The following GDE1 variants were observed in gnomAD, a reference collection of about 807,000 sequenced individuals.
The protein encoded by GDE1 is glycerophosphodiester phosphodiesterase 1, also known as RGS16-interacting membrane protein.
A neutral mutation model predicts 32.2 loss-of-function variants in GDE1; 24 were observed. The ratio of observed to expected loss-of-function variants is 0.75; its 90% CI spans 0.54 to 1.05. GDE1 has a LOEUF of 1.05. Among genes scored for constraint, GDE1 ranks in the 50% least tolerant of loss-of-function variants. The pLI is 0.00. For synonymous variants in GDE1, 159 were observed against 158.6 expected, an observed-to-expected ratio of 1.00 and a Z score of -0.02; for missense variants, 380 against 415.0, an observed-to-expected ratio of 0.92 and a Z score of 0.73.
intron 2 of GDE1, among the ~76,000 whole-genome samples, chr16:19,516,203 G>A (rs898893935): frequency 2.3e-4 from 35 of 152,164 alleles, no homozygotes; most frequent in African/African-American, 8.0e-4. Flanking sequence ...ATTAGACACT[G>A]AAAGAACTTT....
chr16:19,521,731 G>C lies in GDE1; in HGVS notation c.234C>G (p.Pro78=). 6.2e-7 allele frequency: 1 copy of C among 1,612,272 alleles called. No homozygotes were observed. Among genetic ancestry groups the C allele is most frequent in the South Asian group, 1.1e-5 (1 of 90,782 alleles). The change falls in exon 1 of 6, where the codon CCC becomes CCG. Residue 78 remains proline (P), a synonymous_variant. Transcript: ENST00000353258. ...GCCGAATGGCCGCCAGCGTGTTCTC[G>C]GGCGCGTCGTGGCTGCCGCCACGGT... ...IAHRGGSHDA[P]ENTLAAIRQA... is the part of the protein sequence containing the mutation.
At chr16:19,517,973 C>T (rs958646665) in intron 1 of GDE1, among the ~76,000 whole-genome samples, 8 of 151,784 alleles carry the variant, frequency 5.3e-5, no homozygotes, top group South Asian at 4.2e-4. Flanking sequence ...CTAAAACCTC[C>T]GCCTCCTGGG....
chr16:19,520,420 GA>G (rs999902181), intron 1 of GDE1, among the ~76,000 whole-genome samples: 4 of 144,132 alleles, frequency 2.8e-5, no homozygotes, highest in African/African-American at 7.9e-5. Context: ...AAAAAAAAAA[GA>G]AAAAAAAAGG....
At chr16:19,508,812 A>C (rs759159132) in intron 3 of GDE1, among the ~76,000 whole-genome samples, 13 of 152,178 alleles carry the variant, frequency 8.5e-5, no homozygotes, top group Non-Finnish European at 1.8e-4. Flanking sequence ...GGACTGTTGG[A>C]GTCCCAAGCC....
chr16:19,514,662 C>A (rs1169969770), intron 2 of GDE1, among the ~76,000 whole-genome samples: 1 of 152,036 alleles, frequency 6.6e-6, no homozygotes, highest in Non-Finnish European at 1.5e-5. Context: ...AAAATGAAAA[C>A]TAAGTGCTTG....
chr16:19,508,944 C>T (rs1008650445), intron 3 of GDE1, among the ~76,000 whole-genome samples: 1 of 152,220 alleles, frequency 6.6e-6, no homozygotes, highest in African/African-American at 2.4e-5. Context: ...CACCCATGAG[C>T]ACCCATTCAG....
At chr16:19,513,101 T>A (rs1239856985) in intron 2 of GDE1, among the ~76,000 whole-genome samples, 1 of 152,148 alleles carries the variant, frequency 6.6e-6, no homozygotes, top group Non-Finnish European at 1.5e-5. Context: ...TTCTTTACGG[T>A]TCCATATGAA....
At chr16:19,506,318 A>AC (rs1969245950) in intron 4 of GDE1, among the ~76,000 whole-genome samples, 1 of 152,108 alleles carries the variant, frequency 6.6e-6, no homozygotes, top group Admixed American at 6.5e-5. Context: ...AAACAAACAA[A>AC]AAAAACAGAG....
At chr16:19,505,803 A>G (rs1023576892) in intron 4 of GDE1, among the ~76,000 whole-genome samples, 1 of 152,196 alleles carries the variant, frequency 6.6e-6, no homozygotes, top group Non-Finnish European at 1.5e-5. Flanking sequence ...AAAATTTTCA[A>G]TGTATGCTCT....
chr16:19,512,927 T>TTGTGTGTGTGTGTGTGTG lies in GDE1; in HGVS notation c.438-2001_438-1984dup, dbSNP rs144957791. Among the ~76,000 whole-genome samples, 267 of 137,082 alleles carry TTGTGTGTGTGTGTGTGTG rather than the reference T, an allele frequency of 1.9e-3. 1 individual carries two copies. The highest frequency in any genetic ancestry group is 3.0e-3 in the South Asian group (12 of 4,052). 89.9% of individuals were successfully genotyped at this position (137,082 alleles called of 152,430 possible). ...TATTCCACTGGTCTATGTATCTGTT[T>TTGTGTGTGTGTGTGTGTG]TGTGTGTGTGTGTGTGTGTGTGTGT... On this transcript the variant is annotated intron_variant, in intron 2 of 5. Transcript: ENST00000353258.
At chr16:19,507,141 A>AAAAT (rs79540258) in intron 4 of GDE1, among the ~76,000 whole-genome samples, 29,613 of 143,306 alleles carry the variant, frequency 0.21, 3,841 homozygotes, top group Non-Finnish European at 0.3. Context: ...CCCGTCTTTT[A>AAAAT]AAATAAATAA....
At chr16:19,514,807 C>T (rs1170522751) in intron 2 of GDE1, among the ~76,000 whole-genome samples, 12 of 152,148 alleles carry the variant, frequency 7.9e-5, no homozygotes, top group Non-Finnish European at 1.6e-4. Context: ...GGGCTCATGC[C>T]TGTAAATTCA....
At chr16:19,511,056 C>A in intron 2 of GDE1, 112 bp from the exon 3 acceptor site, 2 of 555,772 alleles carry the variant, frequency 3.6e-6, no homozygotes, top group Admixed American at 3.4e-5. Context: ...TTTTCTCCAA[C>A]TTCCTTTTTT....
intron 3 of GDE1, 54 bp from the exon 4 acceptor site, chr16:19,507,833 C>T (rs1969268681): frequency 2.4e-6 from 2 of 825,758 alleles, no homozygotes; most frequent in Non-Finnish European, 4.1e-6. Context: ...TGATAGATAG[C>T]CCCAGCCAAT....
At chr16:19,511,023 C>T in intron 2 of GDE1, 79 bp from the exon 3 acceptor site, 1 of 683,236 alleles carries the variant, frequency 1.5e-6, no homozygotes, top group Non-Finnish European at 2.6e-6. Context: ...TTGCATATGT[C>T]TCTCAATCAA....
chr16:19,519,951 G>A (rs1254547362), intron 1 of GDE1, among the ~76,000 whole-genome samples: 1 of 152,176 alleles, frequency 6.6e-6, no homozygotes, highest in African/African-American at 2.4e-5. Context: ...GGTGGAAGTT[G>A]CAGTGAGTTG....
chr16:19,512,012 A>G (rs1301205786), intron 2 of GDE1, among the ~76,000 whole-genome samples: 1 of 152,186 alleles, frequency 6.6e-6, no homozygotes, highest in African/African-American at 2.4e-5. Flanking sequence ...TATTGTGAAT[A>G]GTGTTGCAAT....
intron 5 of GDE1, 44 bp from the exon 6 acceptor site, chr16:19,503,661 T>A (rs112199105): frequency 6.4e-7 from 1 of 1,562,794 alleles, no homozygotes; most frequent in Admixed American, 1.7e-5. Context: ...AATAAGCAGC[T>A]GTCTCAGGAA....
chr16:19,512,051 T>A (rs1464961048), intron 2 of GDE1, among the ~76,000 whole-genome samples: 2 of 152,166 alleles, frequency 1.3e-5, no homozygotes, highest in Non-Finnish European at 2.9e-5. Context: ...ATGCCTTTGA[T>A]ACACTAGTTT....
Sources: allele counts gnomAD v4.1 joint callset (sites outside exome capture counted in the v4.1 genomes callset), GRCh38; gene constraint gnomAD v4.1.1; transcripts MANE v1.5; gene names NCBI Gene and HGNC (gene_info 2026-07-23, HGNC 2026-07-21).